Variants in CDKN2B-AS1 observed in about 807,000 individuals in gnomAD.
CDKN2B-AS1 encodes CDKN2B antisense RNA 1 (non-protein coding).
intron 1 of CDKN2B-AS1, among the ~76,000 whole-genome samples, chr9:22,044,902 AAT>A (rs1454842662): frequency 6.6e-6 from 1 of 152,078 alleles, no homozygotes; most frequent in Non-Finnish European, 1.5e-5. Context: ...CTCTCCTAAG[AAT>A]ACTACTCTAT....
At chr9:22,085,584 G>C (rs568554375) in intron 4 of CDKN2B-AS1, among the ~76,000 whole-genome samples, 12 of 152,246 alleles carry the variant, frequency 7.9e-5, no homozygotes, top group African/African-American at 2.9e-4. Flanking sequence ...AGCCAGGTGT[G>C]GTGGCGGGCC....
intron 4 of CDKN2B-AS1, among the ~76,000 whole-genome samples, chr9:22,107,205 A>G (rs1179748807): frequency 6.6e-6 from 1 of 152,206 alleles, no homozygotes; most frequent in Non-Finnish European, 1.5e-5. Context: ...AGTGTGGGTG[A>G]TGTGAAAGTG....
chr9:22,007,077 G>T (rs535290110), intron 1 of CDKN2B-AS1, among the ~76,000 whole-genome samples: 2 of 152,134 alleles, frequency 1.3e-5, no homozygotes, highest in Non-Finnish European at 2.9e-5. Context: ...AAAAGAGCTT[G>T]GGCCAGGCCC....
At position 22,005,703 on chromosome 9, in the gene CDKN2B-AS1, A is replaced by C; in HGVS notation, n.29+10542A>C. 1.8e-6 allele frequency: 1 copy of C among 550,940 alleles called. No homozygotes were observed. Among genetic ancestry groups the C allele is most frequent in the Non-Finnish European group, 3.3e-6 (1 of 305,990 alleles). The allele number at this position is 550,940 out of a possible 1,614,324, so 34.1% of individuals were successfully genotyped here. A position where few individuals can be genotyped will look rare whatever the true frequency, so the allele number is the denominator to read the frequency against. On this transcript the variant is annotated intron_variant and non_coding_transcript_variant, in intron 1 of 4. Coordinates refer to ENST00000650946, the Ensembl canonical transcript of CDKN2B-AS1. The surrounding 1 kb of genome is among the most constrained non-coding windows in gnomAD (Gnocchi z 4.9). The stretch of plus-strand genomic sequence containing the variant: ...ATGCACTTTCCCTCAGAAAACCCTG[A>C]AAAGCAAACGACCCCTGGAATGTCA...
At chr9:22,096,267 A>G (rs960832571) in intron 4 of CDKN2B-AS1, 7 of 152,224 alleles carry the variant, frequency 4.6e-5, no homozygotes, top group African/African-American at 1.4e-4. Context: ...ACCTTTATCT[A>G]TTACCTACAT....
At chr9:22,080,160 C>G (rs1824646176) in intron 4 of CDKN2B-AS1, among the ~76,000 whole-genome samples, 1 of 152,206 alleles carries the variant, frequency 6.6e-6, no homozygotes, top group African/African-American at 2.4e-5. Context: ...TTGGCTGGCT[C>G]TGTGCAGTCA....
chr9:22,081,589 A>G (rs1257247339), intron 4 of CDKN2B-AS1, among the ~76,000 whole-genome samples: 1 of 152,196 alleles, frequency 6.6e-6, no homozygotes, highest in Non-Finnish European at 1.5e-5. Context: ...GTCTGAGCAC[A>G]GCATGCAAAT....
chr9:22,122,430 G>A (rs1318377452), intron 4 of CDKN2B-AS1, among the ~76,000 whole-genome samples: 1 of 152,016 alleles, frequency 6.6e-6, no homozygotes, highest in Non-Finnish European at 1.5e-5. Flanking sequence ...TTTTGTTTGT[G>A]TTACCTATGT....
chr9:22,122,102 G>A (rs1826115724), intron 4 of CDKN2B-AS1, among the ~76,000 whole-genome samples: 1 of 151,326 alleles, frequency 6.6e-6, no homozygotes, highest in South Asian at 2.1e-4. Flanking sequence ...ATCCTAACTG[G>A]GGTGAGATGA....
At chr9:22,068,650 A>T (rs749359238) in intron 4 of CDKN2B-AS1, among the ~76,000 whole-genome samples, 2 of 152,186 alleles carry the variant, frequency 1.3e-5, no homozygotes, top group Non-Finnish European at 2.9e-5. Context: ...CTTTGCAATG[A>T]TAGTAAGATC....
chr9:22,126,280 A>C (rs1296799898), intron 4 of CDKN2B-AS1, among the ~76,000 whole-genome samples: 1 of 152,228 alleles, frequency 6.6e-6, no homozygotes, highest in Non-Finnish European at 1.5e-5. Flanking sequence ...GAATATGTGA[A>C]AGGGTACATA....
At chr9:22,099,356 A>G (rs1455234165) in intron 4 of CDKN2B-AS1, among the ~76,000 whole-genome samples, 1 of 152,202 alleles carries the variant, frequency 6.6e-6, no homozygotes, top group Non-Finnish European at 1.5e-5. Context: ...GTAGAGGAAT[A>G]AAAAGATTCC....
chr9:22,006,112 C>A lies in CDKN2B-AS1; in HGVS notation n.29+10951C>A. On this transcript the variant is annotated intron_variant and non_coding_transcript_variant, in intron 1 of 4. Transcript: ENST00000650946. This position sits in a 1 kb window ranked among gnomAD's most constrained non-coding sequence, Gnocchi z 6.4. ...AGCCGCGCCCCGGCCCGGTGCAGCA[C>A]CACCAGCGTGTCCAGGAAGCCCTCC... 6.2e-7 allele frequency: 1 copy of A among 1,610,430 alleles called. No individual in the cohort carries two copies. Among genetic ancestry groups the A allele is most frequent in the Non-Finnish European group, 8.5e-7 (1 of 1,179,812 alleles).
At chr9:22,038,514 T>C (rs1006380610) in intron 1 of CDKN2B-AS1, among the ~76,000 whole-genome samples, 1 of 152,000 alleles carries the variant, frequency 6.6e-6, no homozygotes, top group Non-Finnish European at 1.5e-5. Context: ...TTTAAGAGAG[T>C]ATAGCACAAA....
chr9:22,046,598 G>GGTATTCAATGTATTGA (rs1823119076), intron 1 of CDKN2B-AS1: 2 of 152,082 alleles, frequency 1.3e-5, no homozygotes, highest in Admixed American at 1.3e-4. Flanking sequence ...ATTGAGTATA[G>GGTATTCAATGTATTGA]GTATACCATA....
At chr9:22,034,513 A>G (rs993035572) in intron 1 of CDKN2B-AS1, among the ~76,000 whole-genome samples, 6 of 152,306 alleles carry the variant, frequency 3.9e-5, no homozygotes, top group Admixed American at 6.5e-5. Flanking sequence ...CTGAAACGCA[A>G]CTATTCTTTC....
intron 1 of CDKN2B-AS1, among the ~76,000 whole-genome samples, chr9:22,043,964 G>A (rs1003855971): frequency 6.6e-6 from 1 of 151,916 alleles, no homozygotes; most frequent in African/African-American, 2.4e-5. Flanking sequence ...AATAGTGATA[G>A]TAACCATAGC....
At position 22,075,800 on chromosome 9, in the gene CDKN2B-AS1, A is replaced by G. The variant is rs375315865; in HGVS notation, n.438+19413A>G. 4.6e-5 allele frequency among the ~76,000 whole-genome samples: 7 copies of G among 152,170 alleles called. No homozygotes were observed. In the East Asian group the frequency reaches 1.3e-3, roughly 29 times the overall value. On this transcript the variant is annotated intron_variant and non_coding_transcript_variant, in intron 4 of 4. Coordinates refer to ENST00000650946, the Ensembl canonical transcript of CDKN2B-AS1. ...TCACGTGAAATGAAGCAGGGATGAG[A>G]AGAAATGCCCGTTTGTATTTAATAC...
At chr9:22,032,393 A>G (rs1822514077) in intron 1 of CDKN2B-AS1, among the ~76,000 whole-genome samples, 1 of 151,910 alleles carries the variant, frequency 6.6e-6, no homozygotes, top group Admixed American at 6.6e-5. Flanking sequence ...CTTTAAATTA[A>G]TAGAGCAGTT....
Sources: allele counts gnomAD v4.1 joint callset (sites outside exome capture counted in the v4.1 genomes callset), GRCh38; gene constraint gnomAD v4.1.1; non-coding constraint Gnocchi (gnomAD v3.1); transcripts MANE v1.5; gene names NCBI Gene and HGNC (gene_info 2026-07-23, HGNC 2026-07-21).